Variants in DLG2 observed in about 807,000 individuals in gnomAD.
DLG2 encodes discs large MAGUK scaffold protein 2, also known as disks large homolog 2.
Under a neutral mutation model 132.5 loss-of-function variants are expected in DLG2, and 45 were observed. The observed-to-expected ratio is 0.34, with a 90% CI of 0.27 to 0.44. The LOEUF is 0.44. DLG2 is among the 20% of genes least tolerant of loss of function. The pLI is 1.00. For synonymous variants in DLG2, 424 were observed against 419.6 expected, an observed-to-expected ratio of 1.01 and a Z score of -0.13; for missense variants, 1,045 against 1,196.9, an observed-to-expected ratio of 0.87 and a Z score of 1.87.
chr11:84,717,537 T>C (rs2061365282), intron 6 of DLG2, among the ~76,000 whole-genome samples: 1 of 152,084 alleles, frequency 6.6e-6, no homozygotes, highest in East Asian at 1.9e-4. Flanking sequence ...GGAATAATAG[T>C]ATAATTTGTT....
chr11:84,429,764 G>C (rs982560916), intron 7 of DLG2, among the ~76,000 whole-genome samples: 2 of 152,104 alleles, frequency 1.3e-5, no homozygotes, highest in Admixed American at 1.3e-4. Context: ...AATTAATCTT[G>C]CTGTGTTGGA....
chr11:84,442,138 T>G (rs1240949827), intron 7 of DLG2, among the ~76,000 whole-genome samples: 2 of 152,194 alleles, frequency 1.3e-5, no homozygotes, highest in Non-Finnish European at 1.5e-5. Context: ...AAAGTAGTTT[T>G]TTTCTGATTC....
At chr11:85,444,874 A>G (rs1200110287) in intron 3 of DLG2, among the ~76,000 whole-genome samples, 1 of 152,246 alleles carries the variant, frequency 6.6e-6, no homozygotes, top group Non-Finnish European at 1.5e-5. Flanking sequence ...CTAATAGTGT[A>G]TATTGCCTTT....
chr11:84,052,641 A>G (rs1328234953), intron 11 of DLG2, among the ~76,000 whole-genome samples: 3 of 151,246 alleles, frequency 2.0e-5, no homozygotes, highest in East Asian at 2.0e-4. Context: ...TAAAACCACA[A>G]TGAGATACCA....
intron 6 of DLG2, among the ~76,000 whole-genome samples, chr11:84,587,388 G>A (rs1364351015): frequency 6.6e-6 from 1 of 151,986 alleles, no homozygotes; most frequent in African/African-American, 2.4e-5. Context: ...TGACATCTCT[G>A]TTACACATTC....
intron 4 of DLG2, among the ~76,000 whole-genome samples, chr11:85,267,046 G>A (rs980948940): frequency 6.6e-6 from 1 of 152,144 alleles, no homozygotes; most frequent in Non-Finnish European, 1.5e-5. Flanking sequence ...ATTTTGCTAT[G>A]GACTGGATGC....
chr11:84,969,083 A>C (rs2053713530), intron 6 of DLG2, among the ~76,000 whole-genome samples: 1 of 152,010 alleles, frequency 6.6e-6, no homozygotes, highest in South Asian at 2.1e-4. Context: ...GCAAAAAAAA[A>C]AAAAAAAGTA....
chr11:84,841,441 A>T (rs1330748614), intron 6 of DLG2, among the ~76,000 whole-genome samples: 17 of 152,050 alleles, frequency 1.1e-4, no homozygotes, highest in Admixed American at 1.1e-3. Context: ...TCTTAATTGA[A>T]AAATCAAATG....
At chr11:84,637,316 C>T (rs1026485701) in intron 6 of DLG2, among the ~76,000 whole-genome samples, 5 of 152,136 alleles carry the variant, frequency 3.3e-5, no homozygotes, top group African/African-American at 1.2e-4. Context: ...TCTGTGAACC[C>T]ACCACACGAT....
At position 83,851,690 on chromosome 11, in the gene DLG2, G is replaced by T. The variant is rs577254433; in HGVS notation, c.1566-17920C>A. Among the ~76,000 whole-genome samples the T allele has an allele frequency of 9.9e-5, 15 of 151,512 alleles. No individual in the cohort carries two copies. The South Asian group carries it at 1.9e-3, about 19-fold the overall frequency. On this transcript the variant is annotated intron_variant, in intron 16 of 27. Transcript: ENST00000376104. Reference sequence around the variant, plus strand: ...TAATCCCAGCACTTTGGGAGGTCAAGGTGGGTGGATCACGAGGTCGGGAGT... The same window carrying T: ...TAATCCCAGCACTTTGGGAGGTCAATGTGGGTGGATCACGAGGTCGGGAGT...
At chr11:85,206,511 A>T (rs2081902985) in intron 4 of DLG2, among the ~76,000 whole-genome samples, 1 of 152,190 alleles carries the variant, frequency 6.6e-6, no homozygotes, top group Non-Finnish European at 1.5e-5. Context: ...TATAATGAAT[A>T]TGAAAGCACC....
chr11:84,879,103 G>T (rs2086873830), intron 6 of DLG2, among the ~76,000 whole-genome samples: 1 of 152,038 alleles, frequency 6.6e-6, no homozygotes, highest in African/African-American at 2.4e-5. Context: ...GTTCCTTCAG[G>T]CTGTACATCT....
At chr11:83,792,624 C>T (rs1351935799) in intron 17 of DLG2, among the ~76,000 whole-genome samples, 1 of 152,104 alleles carries the variant, frequency 6.6e-6, no homozygotes, top group African/African-American at 2.4e-5. Context: ...ATTTTTTCCA[C>T]TTACTAATAT....
intron 7 of DLG2, among the ~76,000 whole-genome samples, chr11:84,508,847 A>G (rs1215451945): frequency 6.6e-6 from 1 of 152,158 alleles, no homozygotes; most frequent in Non-Finnish European, 1.5e-5. Context: ...TTTATTCATC[A>G]TTGTACCTTC....
At chr11:84,690,630 T>C (rs763561006) in intron 6 of DLG2, among the ~76,000 whole-genome samples, 3 of 151,906 alleles carry the variant, frequency 2.0e-5, no homozygotes, top group Admixed American at 6.6e-5. Context: ...TGAGTAATTA[T>C]TACGTGTCAG....
intron 7 of DLG2, among the ~76,000 whole-genome samples, chr11:84,441,222 C>T (rs923684871): frequency 6.6e-6 from 1 of 151,982 alleles, no homozygotes; most frequent in Non-Finnish European, 1.5e-5. Context: ...TCATAGCTCA[C>T]TGCAGCCTTG....
At position 84,356,994 on chromosome 11, in the gene DLG2, G is replaced by C. The variant is rs1289856113; in HGVS notation, c.520-105703C>G. 2.6e-5 allele frequency among the ~76,000 whole-genome samples: 4 copies of C among 152,032 alleles called. No individual in the cohort carries two copies. In the South Asian group the frequency reaches 8.3e-4, roughly 31 times the overall value. On this transcript the variant is annotated intron_variant, in intron 7 of 27. Transcript: ENST00000376104. ...TTGATGTGCTCAAGAATGAGTAAGA[G>C]AGTTGCACGATGAGAAATGAGTGAG...
At chr11:84,583,235 C>T (rs1351610933) in intron 6 of DLG2, among the ~76,000 whole-genome samples, 1 of 152,184 alleles carries the variant, frequency 6.6e-6, no homozygotes, top group Non-Finnish European at 1.5e-5. Flanking sequence ...ATTCACATGG[C>T]AGCATATGAA....
chr11:83,848,151 C>T (rs2058998375), intron 16 of DLG2, among the ~76,000 whole-genome samples: 1 of 143,516 alleles, frequency 7.0e-6, no homozygotes, highest in African/African-American at 2.6e-5. Context: ...TTAATCACGG[C>T]ATCTTGTAAG....
Sources: allele counts gnomAD v4.1 joint callset (sites outside exome capture counted in the v4.1 genomes callset), GRCh38; gene constraint gnomAD v4.1.1; transcripts MANE v1.5; gene names NCBI Gene and HGNC (gene_info 2026-07-23, HGNC 2026-07-21).